SPINK8: variants seen among roughly 807,000 people sequenced by gnomAD.
SPINK8 encodes the protein serine peptidase inhibitor Kazal type 8 (putative).
Under a neutral mutation model 14.4 loss-of-function variants are expected in SPINK8, and 12 were observed. The observed-to-expected ratio is 0.83, with a 90% confidence interval of 0.53 to 1.35. The LOEUF (loss-of-function observed/expected upper bound fraction) is 1.35, where lower values mean the gene tolerates loss of function less well. SPINK8 is among the 40% of genes most tolerant of loss of function. The pLI, the probability that SPINK8 is intolerant of heterozygous loss-of-function variation, is 0.00. For missense variants in SPINK8, 103 were observed against 117.0 expected, an observed-to-expected ratio of 0.88 and a Z score of 0.55; for synonymous variants, 32 against 37.6, an observed-to-expected ratio of 0.85 and a Z score of 0.55.
intron 6 of SPINK8, among the ~76,000 whole-genome samples, chr3:48,310,575 G>A (rs1305020824): frequency 1.3e-5 from 2 of 149,568 alleles, no homozygotes; most frequent in Admixed American, 1.3e-4. Context: ...TCAGCTCACT[G>A]CAACCTCTGC....
chr3:48,328,112 C>T (rs2036170200), intron 4 of SPINK8, among the ~76,000 whole-genome samples, 163 bp downstream of exon 4: 2 of 152,184 alleles, frequency 1.3e-5, no homozygotes, highest in African/African-American at 4.8e-5. Flanking sequence ...TTGATAGTAG[C>T]AACATTGTAT....
At chr3:48,316,420 C>T (rs1468768022) in intron 6 of SPINK8, 1 of 155,768 alleles carries the variant, frequency 6.4e-6, no homozygotes, top group Non-Finnish European at 1.5e-5. Context: ...GTGATTCCTC[C>T]ATCAGGAGTC....
At chr3:48,312,996 CAA>C (rs57016387) in intron 6 of SPINK8, among the ~76,000 whole-genome samples, 4 of 121,970 alleles carry the variant, frequency 3.3e-5, no homozygotes, top group Admixed American at 8.6e-5. Context: ...GACTCTGTCT[CAA>C]AAAAAAAAAA....
intron 4 of SPINK8, among the ~76,000 whole-genome samples, chr3:48,322,201 T>C (rs1042198109): frequency 2.6e-5 from 4 of 152,100 alleles, no homozygotes; most frequent in Admixed American, 6.6e-5. Flanking sequence ...GTTTTTAGTA[T>C]ATTCACAGTT....
chr3:48,322,753 T>C (rs1167214807), intron 4 of SPINK8, among the ~76,000 whole-genome samples: 1 of 152,254 alleles, frequency 6.6e-6, no homozygotes, highest in East Asian at 1.9e-4. Context: ...TTGTAGCTTG[T>C]ATCAGTACTT....
At chr3:48,316,058 C>T (rs1006553657) in intron 6 of SPINK8, among the ~76,000 whole-genome samples, 6 of 151,988 alleles carry the variant, frequency 3.9e-5, no homozygotes, top group African/African-American at 1.4e-4. Context: ...CTCACATAAC[C>T]AATAAGATAA....
chr3:48,320,923 GC>G (rs1274919124), intron 5 of SPINK8, 101 bp downstream of exon 5: 33 of 1,137,634 alleles, frequency 2.9e-5, no homozygotes, highest in Non-Finnish European at 3.5e-5. Flanking sequence ...TCCCATGCAA[GC>G]CCCCTCCACT....
chr3:48,322,436 A>T (rs1560018055), intron 4 of SPINK8, among the ~76,000 whole-genome samples: 2 of 151,972 alleles, frequency 1.3e-5, no homozygotes, highest in Admixed American at 6.6e-5. Flanking sequence ...CCTGGGTTCA[A>T]GTGATTCTCC....
chr3:48,331,322 T>C (rs1205607115), intron 2 of SPINK8, among the ~76,000 whole-genome samples: 1 of 152,196 alleles, frequency 6.6e-6, no homozygotes, highest in African/African-American at 2.4e-5. Flanking sequence ...TACCCTATAC[T>C]AGGGGGTCCT....
intron 2 of SPINK8, among the ~76,000 whole-genome samples, chr3:48,329,913 T>C (rs886649373): frequency 1.3e-5 from 2 of 152,232 alleles, no homozygotes; most frequent in African/African-American, 4.8e-5. Flanking sequence ...AATCTGGAGA[T>C]AGAGTGCTCA....
At chr3:48,321,180 C>T in intron 4 of SPINK8, 106 bp from the exon 5 acceptor site, 1 of 1,125,998 alleles carries the variant, frequency 8.9e-7, no homozygotes, top group Non-Finnish European at 1.3e-6. Flanking sequence ...AGCATCAAAC[C>T]CCATCAGAAG....
At chr3:48,319,433 A>G (rs1437069744) in intron 6 of SPINK8, 64 bp downstream of exon 6, 2 of 1,596,116 alleles carry the variant, frequency 1.3e-6, no homozygotes, top group Non-Finnish European at 1.7e-6. Flanking sequence ...TGAGGTCATC[A>G]CCCTCTTTTG....
At chr3:48,313,376 G>A (rs925709994) in intron 6 of SPINK8, among the ~76,000 whole-genome samples, 2 of 152,142 alleles carry the variant, frequency 1.3e-5, no homozygotes, top group African/African-American at 4.8e-5. Context: ...ATAAGAAGAT[G>A]TCCAACCTCA....
chr3:48,319,372 C>T (rs11714176), intron 6 of SPINK8, 125 bp downstream of exon 6: 295,926 of 1,111,734 alleles, frequency 0.27, 42,757 homozygotes, highest in South Asian at 0.31. Flanking sequence ...GGAACAAATA[C>T]TGGAGGAATG....
At chr3:48,313,002 A>AAAAAAAAAAAG (rs2035942937) in intron 6 of SPINK8, among the ~76,000 whole-genome samples, 1 of 152,106 alleles carries the variant, frequency 6.6e-6, no homozygotes, top group Non-Finnish European at 1.5e-5. Context: ...GTCTCAAAAA[A>AAAAAAAAAAAG]AAAAAAAGAT....
intron 4 of SPINK8, among the ~76,000 whole-genome samples, chr3:48,327,096 T>G (rs951400805): frequency 2.6e-5 from 4 of 152,174 alleles, no homozygotes; most frequent in Non-Finnish European, 5.9e-5. Context: ...CCCAGCATAG[T>G]AGTAAGGGCC....
chr3:48,309,961 AT>A lies in SPINK8; in HGVS notation c.240-16del. The A allele has an allele frequency of 7.1e-7, 1 of 1,410,396 alleles. No individual in the cohort carries two copies. The highest frequency in any genetic ancestry group is 1.6e-5 in the South Asian group (1 of 61,940). The allele number at this position is 1,410,396 out of a possible 1,614,324, so 87.4% of individuals were successfully genotyped here. ...GCCCTTCAAATCTGAAAGAAATTAT[AT>A]TTTAAAATTATTTTTGCTGTATGGT... is the stretch of plus-strand genomic sequence containing the variant. On this transcript the variant is annotated splice_polypyrimidine_tract_variant and intron_variant, in intron 6 of 7. Coordinates refer to ENST00000434006, the MANE Select transcript of SPINK8 (RefSeq NM_001080525.3).
intron 6 of SPINK8, among the ~76,000 whole-genome samples, chr3:48,319,284 G>A (rs1247611636): frequency 6.6e-6 from 1 of 152,148 alleles, no homozygotes; most frequent in Non-Finnish European, 1.5e-5. Context: ...CCTCACCTTA[G>A]TGGATTTCTG....
At chr3:48,314,192 G>A (rs1301584821) in intron 6 of SPINK8, among the ~76,000 whole-genome samples, 2 of 151,972 alleles carry the variant, frequency 1.3e-5, no homozygotes, top group Non-Finnish European at 2.9e-5. Context: ...CTCCCCTCAG[G>A]TCTCAGTGTC....
Sources: gnomAD v4.1 joint callset for allele counts (sites outside exome capture counted in the v4.1 genomes callset) on GRCh38, gnomAD v4.1.1 for gene constraint, MANE v1.5 for transcripts, NCBI Gene and HGNC (gene_info 2026-07-23, HGNC 2026-07-21) for gene names.